B3GALT1: variants seen among roughly 807,000 people sequenced by gnomAD.
B3GALT1 encodes beta-1,3-galactosyltransferase 1.
In B3GALT1, 10 loss-of-function variants were observed where a neutral mutation model predicts 23.2. That is an observed-to-expected ratio of 0.43 (90% CI 0.27 to 0.73). The LOEUF (loss-of-function observed/expected upper bound fraction) is 0.73. Among genes scored for constraint, B3GALT1 ranks in the 30% least tolerant of loss-of-function variants. The pLI, the probability that B3GALT1 is intolerant of heterozygous loss-of-function variation, is 0.21. For synonymous variants in B3GALT1, 156 were observed against 141.5 expected (o/e 1.10, Z -0.73); for missense variants, 299 against 405.4 (o/e 0.74, Z 2.25).
At chr2:167,797,352 C>T (rs1341412384) in intron 3 of B3GALT1, among the ~76,000 whole-genome samples, 1 of 152,078 alleles carries the variant, frequency 6.6e-6, no homozygotes, top group African/African-American at 2.4e-5. Flanking sequence ...GTATATGTAC[C>T]ACATTTTCTT....
At chr2:167,857,117 C>G (rs1690014011) in intron 4 of B3GALT1, among the ~76,000 whole-genome samples, 1 of 152,102 alleles carries the variant, frequency 6.6e-6, no homozygotes, top group Non-Finnish European at 1.5e-5. Flanking sequence ...CAACCCTATG[C>G]TTTGTCCAGG....
intron 1 of B3GALT1, among the ~76,000 whole-genome samples, chr2:167,400,728 A>G (rs1270605863): frequency 2.0e-5 from 3 of 152,130 alleles, no homozygotes; most frequent in Non-Finnish European, 4.4e-5. Context: ...GCTGGAGGGA[A>G]AACCTGTGTG....
chr2:167,801,729 G>C (rs1176046584), intron 3 of B3GALT1, among the ~76,000 whole-genome samples: 6 of 152,216 alleles, frequency 3.9e-5, no homozygotes, highest in African/African-American at 1.2e-4. Flanking sequence ...TTACCTGAAT[G>C]TCATGCCATA....
chr2:167,725,327 A>G lies in B3GALT1; in HGVS notation c.-352+78361A>G, dbSNP rs545060407. 3.1e-3 allele frequency among the ~76,000 whole-genome samples: 479 copies of G among 152,286 alleles called. 1 individual carries two copies. Among genetic ancestry groups the G allele is most frequent in the Non-Finnish European group, 4.9e-3 (334 of 68,022 alleles). On this transcript the variant is annotated intron_variant, in intron 3 of 4. Coordinates refer to ENST00000392690, the MANE Select transcript of B3GALT1 (RefSeq NM_020981.4). The stretch of plus-strand genomic sequence containing the variant: ...TAAGACACCATGGTACTTTGCAACC[A>G]AGCCAGTGATACCTTGATATATATT...
chr2:167,404,514 T>C (rs1056448336), intron 1 of B3GALT1, among the ~76,000 whole-genome samples: 6 of 152,222 alleles, frequency 3.9e-5, no homozygotes, highest in African/African-American at 7.2e-5. Context: ...TTCTATTCAG[T>C]ATAACTCGTT....
At chr2:167,551,578 T>G (rs1344761672) in intron 2 of B3GALT1, among the ~76,000 whole-genome samples, 1 of 152,110 alleles carries the variant, frequency 6.6e-6, no homozygotes, top group Non-Finnish European at 1.5e-5. Flanking sequence ...AAGCAGGAAA[T>G]GATAGAAATC....
At chr2:167,568,294 A>C (rs1684212977) in intron 2 of B3GALT1, among the ~76,000 whole-genome samples, 1 of 152,110 alleles carries the variant, frequency 6.6e-6, no homozygotes, top group Non-Finnish European at 1.5e-5. Flanking sequence ...AGTTATGTTT[A>C]GTTTGGTAAG....
chr2:167,328,856 A>G (rs1233091894), intron 1 of B3GALT1, among the ~76,000 whole-genome samples: 1 of 152,070 alleles, frequency 6.6e-6, no homozygotes, highest in African/African-American at 2.4e-5. Context: ...CTTGTCACCC[A>G]GGCTGAAGTG....
chr2:167,829,561 C>T (rs140051999), intron 4 of B3GALT1, among the ~76,000 whole-genome samples: 1 of 151,922 alleles, frequency 6.6e-6, no homozygotes, highest in African/African-American at 2.4e-5. Context: ...TGGAGCAGGA[C>T]AGAAAGGGGA....
chr2:167,551,520 T>C (rs755832607), intron 2 of B3GALT1, among the ~76,000 whole-genome samples: 2 of 152,086 alleles, frequency 1.3e-5, no homozygotes, highest in African/African-American at 2.4e-5. Flanking sequence ...ATCAAGATCA[T>C]TGTGTAGACT....
intron 3 of B3GALT1, among the ~76,000 whole-genome samples, chr2:167,689,109 C>T (rs573878575): frequency 9.8e-5 from 14 of 143,522 alleles, no homozygotes; most frequent in African/African-American, 2.8e-4. Flanking sequence ...CAAATAGAAA[C>T]GCCATAGTCA....
intron 3 of B3GALT1, among the ~76,000 whole-genome samples, chr2:167,691,983 T>C (rs1288293111): frequency 6.6e-6 from 1 of 152,154 alleles, no homozygotes; most frequent in Admixed American, 6.5e-5. Flanking sequence ...GGACATGTGC[T>C]CAATATTCAT....
rs765421546 is a variant in B3GALT1, at chr2:167,869,554, A to T, written c.515A>T (p.Tyr172Phe). ...WVATFCSKAK[Y>F]VMKTDSDIFV... ...GCCACTTTTTGTTCAAAAGCCAAGT[A>T]TGTCATGAAAACAGACAGCGACATT... Residue 172 changes from tyrosine (Y) to phenylalanine (F), a missense_variant, in exon 5 of 5, where the codon TAT becomes TTT. By Grantham distance (22) the Tyr-to-Phe change is conservative. This residue lies in a region of B3GALT1 where 133 missense variants were observed against 204.8 expected (regional missense o/e 0.65). Transcript: ENST00000392690. The surrounding 1 kb of genome is among the most constrained non-coding windows in gnomAD (Gnocchi z 6.4). 5 of 1,614,156 alleles carry T rather than the reference A, an allele frequency of 3.1e-6. No individual in the cohort carries two copies. Among genetic ancestry groups the T allele is most frequent in the African/African-American group, 1.3e-5 (1 of 75,056 alleles).
At chr2:167,819,432 C>A (rs751520925) in intron 4 of B3GALT1, among the ~76,000 whole-genome samples, 1 of 151,976 alleles carries the variant, frequency 6.6e-6, no homozygotes, top group Non-Finnish European at 1.5e-5. Context: ...TGATAAAAAG[C>A]AAGATAAATA....
Position 167,367,731 on chromosome 2 carries a change from G to C in B3GALT1, c.-511+74397G>C, listed in dbSNP as rs186278107. Among the ~76,000 whole-genome samples, 114 of 152,208 alleles carry C rather than the reference G, an allele frequency of 7.5e-4. 1 individual carries two copies. The East Asian group carries it at 0.019, about 25-fold the overall frequency. On this transcript the variant is annotated intron_variant, in intron 1 of 4. Transcript: ENST00000392690. ...GGAATTTGATCAAAAATTTGAGCAA[G>C]TCCTTGCCAAATAAAAAAAAGAAAA...
chr2:167,449,505 AG>A (rs1468307367), intron 1 of B3GALT1, among the ~76,000 whole-genome samples: 2 of 152,146 alleles, frequency 1.3e-5, no homozygotes. Flanking sequence ...AAAAGTCTTT[AG>A]GGTTTTCTAG....
intron 2 of B3GALT1, among the ~76,000 whole-genome samples, chr2:167,534,406 G>A (rs549656262): frequency 1.4e-4 from 22 of 151,998 alleles, no homozygotes; most frequent in Non-Finnish European, 2.8e-4. Context: ...AGGGAATACA[G>A]GCAAGACATT....
chr2:167,791,329 G>GAA (rs201430322), intron 3 of B3GALT1, among the ~76,000 whole-genome samples: 1 of 150,924 alleles, frequency 6.6e-6, no homozygotes, highest in South Asian at 2.1e-4. Context: ...TTATCACACT[G>GAA]AAAAAAAAAT....
chr2:167,598,548 A>T (rs1301125005), intron 2 of B3GALT1, among the ~76,000 whole-genome samples: 2 of 152,150 alleles, frequency 1.3e-5, no homozygotes, highest in Admixed American at 6.6e-5. Context: ...CCTCAAAAGC[A>T]GTATTTGGAA....
Sources: gnomAD v4.1 joint callset for allele counts (sites outside exome capture counted in the v4.1 genomes callset) on GRCh38, gnomAD v4.1.1 for gene constraint, gnomAD v4.1.1 regional missense constraint, Gnocchi (gnomAD v3.1) non-coding constraint, MANE v1.5 for transcripts, NCBI Gene and HGNC (gene_info 2026-07-23, HGNC 2026-07-21) for gene names.